Variants in JAK3 observed in about 807,000 individuals in gnomAD.
JAK3 encodes Janus kinase 3, also known as tyrosine-protein kinase JAK3.
JAK3 carries 88 observed loss-of-function variants against 120.8 expected under a neutral mutation model. The observed-to-expected ratio is 0.73, with a 90% CI of 0.61 to 0.87. JAK3 has a LOEUF of 0.87. JAK3 is among the 40% of genes least tolerant of loss of function. The probability of loss-of-function intolerance (pLI) is 0.00; values close to 1 mark genes in which losing one functional copy is unlikely to be tolerated. For synonymous variants in JAK3, 592 were observed against 628.6 expected, an observed-to-expected ratio of 0.94 and a Z score of 0.87; for missense variants, 1,254 against 1,501.4, an observed-to-expected ratio of 0.84 and a Z score of 2.72.
chr19:17,844,452 C>G (rs202059985), intron 1 of JAK3, 22 bp from the exon 2 acceptor site: 1 of 1,584,832 alleles, frequency 6.3e-7, no homozygotes. Flanking sequence ...AGAGAAAAAG[C>G]CCCTCAGTCC....
At position 17,841,638 on chromosome 19, in the gene JAK3, A is replaced by C; in HGVS notation, c.984+2T>G. On this transcript the variant is annotated splice_donor_variant, in intron 7 of 23. Coordinates refer to ENST00000458235, the MANE Select transcript of JAK3 (RefSeq NM_000215.4). LOFTEE classifies it high-confidence loss of function. This position sits in a 1 kb window ranked among gnomAD's most constrained non-coding sequence, Gnocchi z 4.1. ...TGAAGGGGAGGGGAATCCTGCACCCACTAAAATCTGGTTGTCTGTCCTGGT... is the reference window on the plus strand; with the variant it reads ...TGAAGGGGAGGGGAATCCTGCACCCCCTAAAATCTGGTTGTCTGTCCTGGT... 6.2e-7 allele frequency: 1 copy of C among 1,613,922 alleles called. No homozygotes were observed. The highest frequency in any genetic ancestry group is 1.3e-5 in the African/African-American group (1 of 75,016).
chr19:17,826,921 G>A lies in JAK3; in HGVS notation c.3208-11C>T, dbSNP rs2094204965. On this transcript the variant is annotated splice_polypyrimidine_tract_variant and intron_variant, in intron 23 of 23. Transcript: ENST00000458235. ...CATGAGCTCGTGAACCTGAGGGGCG[G>A]GGGACAGATAATGGGGTCGTGCCTG... 6 of 1,605,944 alleles carry A rather than the reference G, an allele frequency of 3.7e-6. No homozygotes were observed. The East Asian group carries it at 8.9e-5, about 24-fold the overall frequency.
Position 17,832,583 on chromosome 19 carries a change from A to G in JAK3, c.2616T>C (p.Ile872=). ...CACTGTGCAGTGCTTTGAGGATCTG[A>G]ATCTCCCGCTGAAAGTCCCTCTGCT... ...PDQQRDFQRE[I]QILKALHSDF... Residue 872 remains isoleucine (I), a synonymous_variant, in exon 19 of 24, where the codon ATT becomes ATC. Transcript: ENST00000458235. This position sits in a 1 kb window ranked among gnomAD's most constrained non-coding sequence, Gnocchi z 4.7. The G allele has an allele frequency of 6.2e-7, 1 of 1,614,200 alleles. No homozygotes were observed. Among genetic ancestry groups the G allele is most frequent in the Non-Finnish European group, 8.5e-7 (1 of 1,180,040 alleles).
chr19:17,843,724 G>A lies in JAK3; in HGVS notation c.308+53C>T. 1 of 1,606,602 alleles carries A rather than the reference G, an allele frequency of 6.2e-7. No homozygotes were observed. Among genetic ancestry groups the A allele is most frequent in the Non-Finnish European group, 8.5e-7 (1 of 1,174,504 alleles). On this transcript the variant is annotated intron_variant, in intron 3 of 23. Transcript: ENST00000458235. The surrounding 1 kb of genome is among the most constrained non-coding windows in gnomAD (Gnocchi z 5.4). ...GGCAGGGGTGTGGGCACCTCGAAAT[G>A]CAAGGAGATGATAAAATTGTACAAT... is the stretch of plus-strand genomic sequence containing the variant.
intron 23 of JAK3, among the ~76,000 whole-genome samples, chr19:17,828,998 A>T (rs528985103): frequency 3.8e-4 from 57 of 151,604 alleles, no homozygotes; most frequent in South Asian, 1.5e-3. Flanking sequence ...CTTTAAAAAA[A>T]TTTTTTAAAA....
chr19:17,831,233 A>T lies in JAK3; in HGVS notation c.2973T>A (p.Ile991=). ...YVVREPGQSP[I]FWYAPESLSD... ...CCTAGGCGCGGGTTCCCCACCAGAA[A>T]ATGGGGCTCTGGCCTGGCTCGCGGA... is the stretch of plus-strand genomic sequence containing the variant. Residue 991 remains isoleucine (I), a synonymous_variant, in exon 21 of 24, where the codon ATT becomes ATA. Coordinates refer to ENST00000458235, the MANE Select transcript of JAK3 (RefSeq NM_000215.4). This position sits in a 1 kb window ranked among gnomAD's most constrained non-coding sequence, Gnocchi z 5.1. The T allele has an allele frequency of 6.2e-7, 1 of 1,612,212 alleles. No individual in the cohort carries two copies. Among genetic ancestry groups the T allele is most frequent in the Non-Finnish European group, 8.5e-7 (1 of 1,179,566 alleles).
At position 17,831,422 on chromosome 19, in the gene JAK3, G is replaced by C; in HGVS notation, c.2806-22C>G. On this transcript the variant is annotated intron_variant, in intron 20 of 23. Transcript: ENST00000458235. The surrounding 1 kb of genome is among the most constrained non-coding windows in gnomAD (Gnocchi z 5.1). Reference sequence around the variant, plus strand: ...TGCCCTGCGGGCGGGCGGTGTGAGCGTGCAGAGAGGATCCCAGGATAATCC... The same window carrying C: ...TGCCCTGCGGGCGGGCGGTGTGAGCCTGCAGAGAGGATCCCAGGATAATCC... 6.2e-7 allele frequency: 1 copy of C among 1,600,294 alleles called. No homozygotes were observed. The highest frequency in any genetic ancestry group is 1.1e-5 in the South Asian group (1 of 91,058).
rs140837014 is a variant in JAK3 at position 17,832,680 on chromosome 19, C to T, written c.2519G>A (p.Arg840His). ...KGNFGSVELC[R>H]YDPLGDNTGA... is the part of the protein sequence containing the mutation. ...TGTATTGTCGCCTAGCGGGTCATAG[C>T]GGCACAGCTCCACGCTGCCAAAGTT... is the stretch of plus-strand genomic sequence containing the variant. Residue 840 changes from arginine to histidine, a missense_variant, in exon 19 of 24, where the codon CGC (arginine) becomes CAC (histidine). Arg to His is a conservative substitution (Grantham distance 29). This residue lies in a region of JAK3 where 630 missense variants were observed against 819.8 expected (regional missense o/e 0.77). Transcript: ENST00000458235. This position sits in a 1 kb window ranked among gnomAD's most constrained non-coding sequence, Gnocchi z 4.7. 8.1e-6 allele frequency: 13 copies of T among 1,614,100 alleles called. No homozygotes were observed. The highest frequency in any genetic ancestry group is 2.2e-5 in the East Asian group (1 of 44,900).
rs200863318 is a variant in JAK3, at chr19:17,841,458, A to C, written c.1073T>G (p.Phe358Cys). Reference sequence around the variant, plus strand: ...CGGCGGTGCCACCTCCTTGCAGAAGAAGTGCTGGGAGTCCGTGGTCAGCCG... The same window carrying C: ...CGGCGGTGCCACCTCCTTGCAGAAGCAGTGCTGGGAGTCCGTGGTCAGCCG... ...YFRLTTDSQH[F>C]FCKEVAPPRL... The change falls in exon 8 of 24, where the codon TTC becomes TGC. Residue 358 changes from phenylalanine to cysteine, a missense_variant. Phe to Cys is a radical substitution (Grantham distance 205). This residue lies in a region of JAK3 where 486 missense variants were observed against 503.0 expected (regional missense o/e 0.97). Transcript: ENST00000458235. This position sits in a 1 kb window ranked among gnomAD's most constrained non-coding sequence, Gnocchi z 4.1. 75 of 1,557,440 alleles carry C rather than the reference A, an allele frequency of 4.8e-5. No individual in the cohort carries two copies. Among genetic ancestry groups the C allele is most frequent in the Middle Eastern group, 3.3e-4 (2 of 5,994 alleles).
In JAK3 at chr19:17,843,666, T is replaced by C; in HGVS notation, c.308+111A>G. 2.1e-6 allele frequency: 3 copies of C among 1,409,860 alleles called. No homozygotes were observed. Among genetic ancestry groups the C allele is most frequent in the Non-Finnish European group, 2.0e-6 (2 of 995,736 alleles). The allele number at this position is 1,409,860 out of a possible 1,614,324, so 87.3% of individuals were successfully genotyped here. On this transcript the variant is annotated intron_variant, in intron 3 of 23. Coordinates refer to ENST00000458235, the MANE Select transcript of JAK3 (RefSeq NM_000215.4). This position sits in a 1 kb window ranked among gnomAD's most constrained non-coding sequence, Gnocchi z 5.4. ...CCACCCTCTCTGGTCTGTTTCCTCATCTGAGAAATGGGTAGTGACCATACC... is the reference window on the plus strand; with the variant it reads ...CCACCCTCTCTGGTCTGTTTCCTCACCTGAGAAATGGGTAGTGACCATACC...
chr19:17,843,100 G>A lies in JAK3; in HGVS notation c.493C>T (p.Leu165=), dbSNP rs1237897094. The A allele has an allele frequency of 6.2e-7, 1 of 1,610,450 alleles. No individual in the cohort carries two copies. ...ATCCGGGCCAGGTCCAACACGGCCAGGCTGAGACACTCACCCTGCTCCTTG... is the reference window on the plus strand; with the variant it reads ...ATCCGGGCCAGGTCCAACACGGCCAAGCTGAGACACTCACCCTGCTCCTTG... ...SLKEQGECLS[L]AVLDLARMAR... The change falls in exon 5 of 24, where the codon CTG becomes TTG. Residue 165 remains leucine (L), a synonymous_variant. Coordinates refer to ENST00000458235, the MANE Select transcript of JAK3 (RefSeq NM_000215.4). The surrounding 1 kb of genome is among the most constrained non-coding windows in gnomAD (Gnocchi z 5.4).
At chr19:17,844,620 G>A (rs974529248) in intron 1 of JAK3, among the ~76,000 whole-genome samples, 190 bp from the exon 2 acceptor site, 3 of 151,752 alleles carry the variant, frequency 2.0e-5, no homozygotes, top group African/African-American at 7.3e-5. Context: ...CCAACATGGC[G>A]AAACCCTGCC....
Position 17,838,421 on chromosome 19 carries a change from GAA to G in JAK3, c.1442-33_1442-32del, listed in dbSNP as rs780598644. 104 of 1,614,100 alleles carry G rather than the reference GAA, an allele frequency of 6.4e-5. No homozygotes were observed. In the African/African-American group the frequency reaches 1.1e-3, roughly 17 times the overall value. On this transcript the variant is annotated intron_variant, in intron 10 of 23. Coordinates refer to ENST00000458235, the MANE Select transcript of JAK3 (RefSeq NM_000215.4). ...GGGAGAGGATGAGGGAGAAAAACCA[GAA>G]ATCAGAGGTGAAAAGTCCCCAAGGG...
rs1477875235 is a variant in JAK3 at position 17,831,388 on chromosome 19, G to A, written c.2818C>T (p.Leu940=). The A allele has an allele frequency of 1.2e-6, 2 of 1,604,696 alleles. No individual in the cohort carries two copies. Among genetic ancestry groups the A allele is most frequent in the South Asian group, 1.1e-5 (1 of 91,072 alleles). Residue 940 remains leucine (L), a synonymous_variant, in exon 21 of 24, where the codon CTG becomes TTG. Transcript: ENST00000458235. This position sits in a 1 kb window ranked among gnomAD's most constrained non-coding sequence, Gnocchi z 5.1. ...SSQICKGMEY[L]GSRRCVHRDL... is the part of the protein sequence containing the mutation. Reference sequence around the variant, plus strand: ...CGGTGCACGCAGCGGCGGGAGCCCAGGTACTCCATGCCCTGCGGGCGGGCG... The same window carrying A: ...CGGTGCACGCAGCGGCGGGAGCCCAAGTACTCCATGCCCTGCGGGCGGGCG...
rs760856974 is a variant in JAK3, at chr19:17,827,717, T to TAAAAAAAAA, written c.3208-816_3208-808dup. Among the ~76,000 whole-genome samples, 25 of 77,690 alleles carry TAAAAAAAAA rather than the reference T, an allele frequency of 3.2e-4. 1 individual carries two copies. The highest frequency in any genetic ancestry group is 4.8e-4 in the African/African-American group (8 of 16,784). 51.0% of individuals were successfully genotyped at this position (77,690 alleles called of 152,430 possible). A position where few individuals can be genotyped will look rare whatever the true frequency, so the allele number is the denominator to read the frequency against. On this transcript the variant is annotated intron_variant, in intron 23 of 23. Transcript: ENST00000458235. ...CAACATGGAGAAACCCCATCTTAAC[T>TAAAAAAAAA]AAAAAAAAAAAAAAAAAAAAAAAAA... is the stretch of plus-strand genomic sequence containing the variant.
chr19:17,841,591 G>C lies in JAK3; in HGVS notation c.985-45C>G, dbSNP rs747456558. 6.2e-7 allele frequency: 1 copy of C among 1,610,854 alleles called. No individual in the cohort carries two copies. Among genetic ancestry groups the C allele is most frequent in the African/African-American group, 1.3e-5 (1 of 74,924 alleles). On this transcript the variant is annotated intron_variant, in intron 7 of 23. Transcript: ENST00000458235. The surrounding 1 kb of genome is among the most constrained non-coding windows in gnomAD (Gnocchi z 4.1). ...GAGCCCAGTGAAACCCGAGGGTGCCGGTCCCGCCCTCGGGGTAAGGCTGAA... is the reference window on the plus strand; with the variant it reads ...GAGCCCAGTGAAACCCGAGGGTGCCCGTCCCGCCCTCGGGGTAAGGCTGAA...
At position 17,832,812 on chromosome 19, in the gene JAK3, T is replaced by C. The variant is rs951065354; in HGVS notation, c.2468A>G (p.Lys823Arg). ...TACCTTGCCCAGCTGTGAGATGTAC[T>C]TGAGGTGTCTCTCCTCGAAGATCGT... ...DPTIFEERHL[K>R]YISQLGKGNF... is the part of the protein sequence containing the mutation. The change falls in exon 18 of 24, where the codon AAG becomes AGG. Residue 823 changes from lysine (K) to arginine (R), a missense_variant. This residue lies in a region of JAK3 where 630 missense variants were observed against 819.8 expected (regional missense o/e 0.77). Transcript: ENST00000458235. The surrounding 1 kb of genome is among the most constrained non-coding windows in gnomAD (Gnocchi z 4.7). 11 of 1,614,266 alleles carry C rather than the reference T, an allele frequency of 6.8e-6. No homozygotes were observed. Among genetic ancestry groups the C allele is most frequent in the Admixed American group, 1.7e-5 (1 of 60,034 alleles).
chr19:17,839,672 A>G lies in JAK3; in HGVS notation c.1255-9T>C. The G allele has an allele frequency of 6.2e-7, 1 of 1,606,822 alleles. No individual in the cohort carries two copies. Among genetic ancestry groups the G allele is most frequent in the Non-Finnish European group, 8.5e-7 (1 of 1,177,588 alleles). ...TCAGGACCAAGGGGGTTCTGCAAAG[A>G]AGAGTGGCCCCTGAGTGGGACTGAG... is the stretch of plus-strand genomic sequence containing the variant. On this transcript the variant is annotated splice_polypyrimidine_tract_variant and intron_variant, in intron 9 of 23. Transcript: ENST00000458235.
intron 1 of JAK3, among the ~76,000 whole-genome samples, 154 bp downstream of exon 1, chr19:17,847,792 T>G (rs2094255745): frequency 6.6e-6 from 1 of 151,908 alleles, no homozygotes; most frequent in Non-Finnish European, 1.5e-5. Context: ...AGGATGCGAG[T>G]CTCGGCTCAC....
Sources: gnomAD v4.1 joint callset for allele counts (sites outside exome capture counted in the v4.1 genomes callset) on GRCh38, gnomAD v4.1.1 for gene constraint, gnomAD v4.1.1 regional missense constraint, Gnocchi (gnomAD v3.1) non-coding constraint, MANE v1.5 for transcripts, NCBI Gene and HGNC (gene_info 2026-07-23, HGNC 2026-07-21) for gene names.